ROR2: variants seen among roughly 807,000 people sequenced by gnomAD.
ROR2 encodes the protein ROR family WNT receptor 2.
A neutral mutation model predicts 74.9 loss-of-function variants in ROR2; 33 were observed. The observed-to-expected ratio is 0.44, with a 90% CI of 0.33 to 0.59. The LOEUF (loss-of-function observed/expected upper bound fraction) is 0.59, where lower values mean the gene tolerates loss of function less well. Ranked by LOEUF, ROR2 falls within the 20% of genes least tolerant of loss-of-function variation. The pLI is 0.02. For missense variants in ROR2, 1,216 were observed against 1,313.8 expected (o/e 0.93, Z 1.15); for synonymous variants, 586 against 558.7 (o/e 1.05, Z -0.69).
At chr9:91,931,753 T>G (rs753249419) in intron 1 of ROR2, among the ~76,000 whole-genome samples, 1 of 152,146 alleles carries the variant, frequency 6.6e-6, no homozygotes, top group Non-Finnish European at 1.5e-5. Flanking sequence ...AAAATTGAGA[T>G]GACAAGCTAT....
chr9:91,814,548 T>A (rs1587744979), intron 1 of ROR2, among the ~76,000 whole-genome samples: 1 of 152,160 alleles, frequency 6.6e-6, no homozygotes, highest in Non-Finnish European at 1.5e-5. Context: ...AACATCACTA[T>A]AAGCGATACC....
At chr9:91,761,538 T>C (rs1825915083) in intron 2 of ROR2, among the ~76,000 whole-genome samples, 2 of 152,160 alleles carry the variant, frequency 1.3e-5, no homozygotes, top group Non-Finnish European at 2.9e-5. Flanking sequence ...GAGAAGCTAA[T>C]GCCACTGTTG....
chr9:91,791,338 C>T (rs920350611), intron 1 of ROR2, among the ~76,000 whole-genome samples: 1 of 152,208 alleles, frequency 6.6e-6, no homozygotes, highest in African/African-American at 2.4e-5. Context: ...TAAGCTCTAC[C>T]ATATAGCTGA....
intron 7 of ROR2, among the ~76,000 whole-genome samples, chr9:91,730,234 G>A (rs1587662099): frequency 1.3e-5 from 2 of 152,026 alleles, no homozygotes; most frequent in East Asian, 1.9e-4. Flanking sequence ...GTGAGCCACC[G>A]CACTGGGAGA....
intron 1 of ROR2, among the ~76,000 whole-genome samples, chr9:91,776,168 C>T (rs1826415422): frequency 6.6e-6 from 1 of 152,190 alleles, no homozygotes; most frequent in Non-Finnish European, 1.5e-5. Flanking sequence ...AAATCAAACA[C>T]TTCTGTAGCC....
chr9:91,779,596 C>T (rs995359496), intron 1 of ROR2, among the ~76,000 whole-genome samples: 1 of 152,042 alleles, frequency 6.6e-6, no homozygotes, highest in Non-Finnish European at 1.5e-5. Context: ...GTCTCGAACT[C>T]CTGACCTTAA....
intron 1 of ROR2, among the ~76,000 whole-genome samples, chr9:91,801,499 A>G (rs938919796): frequency 6.6e-6 from 1 of 151,958 alleles, no homozygotes; most frequent in Non-Finnish European, 1.5e-5. Flanking sequence ...CACCCAGCTA[A>G]TTTTTGTATT....
intron 1 of ROR2, among the ~76,000 whole-genome samples, chr9:91,896,124 A>G (rs190975775): frequency 4.6e-5 from 7 of 152,340 alleles, no homozygotes; most frequent in Non-Finnish European, 5.9e-5. Context: ...ACATTACTGG[A>G]AAAGTTTTCC....
chr9:91,949,412 G>C (rs1358407197), intron 1 of ROR2, among the ~76,000 whole-genome samples: 3 of 152,030 alleles, frequency 2.0e-5, no homozygotes, highest in South Asian at 2.1e-4. Flanking sequence ...GGCCGCCCTG[G>C]GGGTGGGGGG....
At chr9:91,840,540 G>A (rs1828751301) in intron 1 of ROR2, among the ~76,000 whole-genome samples, 1 of 152,210 alleles carries the variant, frequency 6.6e-6, no homozygotes, top group South Asian at 2.1e-4. Context: ...TCAGGCCTGG[G>A]GCCACATGCA....
chr9:91,857,715 A>ATCCCC lies in ROR2; in HGVS notation c.98-81902_98-81898dup, dbSNP rs569045549. On this transcript the variant is annotated intron_variant, in intron 1 of 8. Transcript: ENST00000375708. ...GCAACTTCCTCCCTGAGGAGCTTAA[A>ATCCCC]TCCCCTCCCCTCCGCCCCCTCCCCA... 6.1e-4 allele frequency among the ~76,000 whole-genome samples: 92 copies of ATCCCC among 151,932 alleles called. 2 individuals carry two copies. In the South Asian group the frequency reaches 0.018, roughly 29 times the overall value.
chr9:91,779,383 T>G (rs1015126760), intron 1 of ROR2, among the ~76,000 whole-genome samples: 3 of 138,686 alleles, frequency 2.2e-5, no homozygotes, highest in Non-Finnish European at 4.8e-5. Flanking sequence ...TTTTTTTTTT[T>G]TTTCGAGACA....
intron 1 of ROR2, among the ~76,000 whole-genome samples, chr9:91,829,187 G>A (rs530062632): frequency 6.6e-6 from 1 of 152,198 alleles, no homozygotes; most frequent in African/African-American, 2.4e-5. Flanking sequence ...CAGCCAGAGT[G>A]AGACATACAG....
intron 2 of ROR2, 23 bp downstream of exon 2, chr9:91,775,718 A>C (rs762501817): frequency 1.2e-6 from 2 of 1,605,090 alleles, no homozygotes; most frequent in East Asian, 4.5e-5. Context: ...GGACATGGAG[A>C]GCACCTGCAT....
intron 1 of ROR2, among the ~76,000 whole-genome samples, chr9:91,938,305 T>C (rs1831755501): frequency 6.6e-6 from 1 of 152,142 alleles, no homozygotes; most frequent in Non-Finnish European, 1.5e-5. Flanking sequence ...ACAAAAATTT[T>C]TTTTTTAGTT....
chr9:91,806,950 C>T (rs1827587539), intron 1 of ROR2, among the ~76,000 whole-genome samples: 1 of 152,140 alleles, frequency 6.6e-6, no homozygotes, highest in African/African-American at 2.4e-5. Context: ...TGTTGGGGTG[C>T]TTTAGGCTTC....
chr9:91,931,735 G>A (rs1292055584), intron 1 of ROR2, among the ~76,000 whole-genome samples: 1 of 152,052 alleles, frequency 6.6e-6, no homozygotes, highest in Non-Finnish European at 1.5e-5. Flanking sequence ...TTGTCTTGCA[G>A]AAGAAATAAA....
At chr9:91,919,026 AC>A (rs1831205678) in intron 1 of ROR2, among the ~76,000 whole-genome samples, 2 of 114,770 alleles carry the variant, frequency 1.7e-5, no homozygotes, top group African/African-American at 1.3e-4. Context: ...TTTCCAGACC[AC>A]TCCACTCAAC....
At chr9:91,901,348 A>G (rs1172367664) in intron 1 of ROR2, among the ~76,000 whole-genome samples, 1 of 152,212 alleles carries the variant, frequency 6.6e-6, no homozygotes, top group Non-Finnish European at 1.5e-5. Flanking sequence ...ACTAGGAGGT[A>G]GTGATAGTTT....
Sources: gnomAD v4.1 joint callset for allele counts (sites outside exome capture counted in the v4.1 genomes callset) on GRCh38, gnomAD v4.1.1 for gene constraint, MANE v1.5 for transcripts, NCBI Gene and HGNC (gene_info 2026-07-23, HGNC 2026-07-21) for gene names.